Variants in ACSL4 observed in about 807,000 individuals in gnomAD.
ACSL4 encodes acyl-CoA synthetase long chain family member 4, also known as long-chain-fatty-acid--CoA ligase 4.
Under a neutral mutation model 49.1 loss-of-function variants are expected in ACSL4, and 9 were observed. That is an observed-to-expected ratio of 0.18 (90% CI 0.11 to 0.32). ACSL4 has a LOEUF of 0.32. ACSL4 is among the 10% of genes least tolerant of loss of function. The probability of loss-of-function intolerance (pLI) is 1.00; values close to 1 mark genes in which losing one functional copy is unlikely to be tolerated. For synonymous variants in ACSL4, 191 were observed against 170.3 expected, an observed-to-expected ratio of 1.12 and a Z score of -0.95; for missense variants, 333 against 493.7, an observed-to-expected ratio of 0.67 and a Z score of 3.08.
chrX:109,730,228 C>T (rs1928320911), intron 1 of ACSL4, among the ~76,000 whole-genome samples: 1 of 111,596 alleles, frequency 9.0e-6, no homozygotes, highest in Admixed American at 9.5e-5. Flanking sequence ...CGTATTATTT[C>T]TTACAACTAT....
At chrX:109,684,299 T>G (rs1039560532) in intron 2 of ACSL4, among the ~76,000 whole-genome samples, 18 of 113,079 alleles carry the variant, frequency 1.6e-4, no homozygotes, top group Non-Finnish European at 3.2e-4. Flanking sequence ...ACTGCACCAG[T>G]TGCCTAGGAG....
At chrX:109,646,281 G>C (rs1031143090) in intron 15 of ACSL4, among the ~76,000 whole-genome samples, 6 of 111,518 alleles carry the variant, frequency 5.4e-5, no homozygotes, top group Non-Finnish European at 9.4e-5. Context: ...GAAAGGTTGG[G>C]GTACCCTCAA....
At position 109,689,630 on chromosome X, in the gene ACSL4, T is replaced by C. The variant is rs186985537; in HGVS notation, c.-12-6255A>G. On this transcript the variant is annotated intron_variant, in intron 2 of 15. Transcript: ENST00000672401. ...GCCTGGAATGTTCTTCCAAGACATC[T>C]ACGTAGCTTATTCTCTTGCCTCTTT... Among the ~76,000 whole-genome samples, 9 of 112,371 alleles carry C rather than the reference T, an allele frequency of 8.0e-5. No homozygotes were observed. In the East Asian group the frequency reaches 2.2e-3, roughly 28 times the overall value.
At chrX:109,730,119 T>A (rs188311697) in intron 1 of ACSL4, among the ~76,000 whole-genome samples, 2 of 112,238 alleles carry the variant, frequency 1.8e-5, no homozygotes, top group East Asian at 5.5e-4. Flanking sequence ...GGTGACGAAA[T>A]CTGAGTAAGG....
intron 15 of ACSL4, among the ~76,000 whole-genome samples, chrX:109,658,230 A>G: frequency 9.0e-6 from 1 of 111,021 alleles, no homozygotes; most frequent in East Asian, 2.8e-4. Flanking sequence ...TCCCTTATCT[A>G]TGTTATCCAA....
intron 13 of ACSL4, among the ~76,000 whole-genome samples, chrX:109,662,376 C>CA (rs1428265338): frequency 1.8e-5 from 2 of 110,968 alleles, no homozygotes; most frequent in Non-Finnish European, 3.8e-5. Flanking sequence ...GTTCCTGGTT[C>CA]AAATTTCTAG....
At chrX:109,671,117 G>A (rs1198928083) in intron 9 of ACSL4, among the ~76,000 whole-genome samples, 16 of 106,557 alleles carry the variant, frequency 1.5e-4, no homozygotes, top group African/African-American at 5.2e-4. Flanking sequence ...CCCTCTGCCC[G>A]GCCGCCCAGT....
chrX:109,705,466 AT>A (rs1336174830), intron 1 of ACSL4, among the ~76,000 whole-genome samples: 5 of 112,348 alleles, frequency 4.5e-5, no homozygotes, highest in Non-Finnish European at 9.4e-5. Flanking sequence ...TGTGTGGTTT[AT>A]TCTGCCTATT....
rs773900392 is a variant in ACSL4 at position 109,682,675 on chromosome X, G to A, written c.406+44C>T. ...ATCTCAAAACAATTCTCACATGCAA[G>A]CAAAGACCCTCCTCTCCCCCCTCCA... is the stretch of plus-strand genomic sequence containing the variant. On this transcript the variant is annotated intron_variant, in intron 4 of 15. Coordinates refer to ENST00000672401, the MANE Select transcript of ACSL4 (RefSeq NM_001318510.2). 7 of 1,198,222 alleles carry A rather than the reference G, an allele frequency of 5.8e-6. No individual in the cohort carries two copies. The South Asian group carries it at 8.8e-5, about 15-fold the overall frequency.
chrX:109,717,269 C>T (rs1273109938), intron 1 of ACSL4, among the ~76,000 whole-genome samples: 3 of 110,284 alleles, frequency 2.7e-5, no homozygotes, highest in Admixed American at 9.7e-5. Context: ...CCGAGGCGGA[C>T]GGATCACCTA....
intron 15 of ACSL4, among the ~76,000 whole-genome samples, chrX:109,647,279 C>G (rs1934760546): frequency 9.0e-6 from 1 of 111,527 alleles, no homozygotes; most frequent in South Asian, 3.8e-4. Context: ...GGAAGTAAAG[C>G]TCTCCTCAGC....
intron 15 of ACSL4, among the ~76,000 whole-genome samples, chrX:109,654,196 C>T (rs896344494): frequency 1.8e-5 from 2 of 109,749 alleles, no homozygotes; most frequent in Non-Finnish European, 3.8e-5. Flanking sequence ...AAAATGATAC[C>T]GTAATTTTCT....
intron 15 of ACSL4, among the ~76,000 whole-genome samples, chrX:109,646,045 T>C (rs932002965): frequency 1.1e-4 from 12 of 111,985 alleles, no homozygotes; most frequent in African/African-American, 3.2e-4. Context: ...CTACATCTGA[T>C]TGGTGTACCT....
intron 1 of ACSL4, among the ~76,000 whole-genome samples, chrX:109,713,632 A>C (rs1007900717): frequency 2.7e-5 from 3 of 111,789 alleles, no homozygotes; most frequent in African/African-American, 6.5e-5. Flanking sequence ...ATTTAGAATC[A>C]CTGGCTTATT....
chrX:109,650,094 T>TC (rs2147364939), intron 15 of ACSL4, among the ~76,000 whole-genome samples: 1 of 111,664 alleles, frequency 9.0e-6, no homozygotes, highest in African/African-American at 3.3e-5. Flanking sequence ...GTAAACTAGT[T>TC]CAACCGTTGT....
At chrX:109,682,945 T>C in intron 3 of ACSL4, 49 bp from the exon 4 acceptor site, 1 of 1,135,796 alleles carries the variant, frequency 8.8e-7, no homozygotes. Context: ...AACAAGCAAT[T>C]AAAATACTAT....
chrX:109,690,624 TG>T (rs1924967523), intron 2 of ACSL4, among the ~76,000 whole-genome samples: 1 of 109,932 alleles, frequency 9.1e-6, no homozygotes, highest in Admixed American at 9.8e-5. Flanking sequence ...TTAAAGTCCA[TG>T]TTTTTAGCTC....
At chrX:109,702,723 G>A (rs184735882) in intron 1 of ACSL4, among the ~76,000 whole-genome samples, 57 of 111,874 alleles carry the variant, frequency 5.1e-4, no homozygotes, top group African/African-American at 1.7e-3. Context: ...TTTTTTAAAT[G>A]GAGACATGTG....
chrX:109,701,024 T>G (rs1014170165), intron 1 of ACSL4, among the ~76,000 whole-genome samples: 1 of 111,124 alleles, frequency 9.0e-6, no homozygotes, highest in Non-Finnish European at 1.9e-5. Flanking sequence ...GCCTGGCTGA[T>G]AGAGCAAGAC....
Sources: gnomAD v4.1 joint callset for allele counts (sites outside exome capture counted in the v4.1 genomes callset) on GRCh38, gnomAD v4.1.1 for gene constraint, MANE v1.5 for transcripts, NCBI Gene and HGNC (gene_info 2026-07-23, HGNC 2026-07-21) for gene names.